Variants in NUDT14 observed in about 807,000 individuals in gnomAD.
NUDT14 encodes nudix hydrolase 14.
Under a neutral mutation model 17.5 loss-of-function variants are expected in NUDT14, and 22 were observed. That is an observed-to-expected ratio of 1.26 (90% CI 0.90 to 1.80). The LOEUF (loss-of-function observed/expected upper bound fraction) is 1.80, where lower values mean the gene tolerates loss of function less well. Ranked by LOEUF, NUDT14 falls within the 40% of genes most tolerant of loss-of-function variation. The pLI is 0.00. For synonymous variants in NUDT14, 129 were observed against 125.8 expected (o/e 1.03, Z -0.17); for missense variants, 296 against 295.6 (o/e 1.00, Z -0.01).
Position 105,177,017 on chromosome 14 carries a change from G to T in NUDT14, c.136C>A (p.Leu46Ile), listed in dbSNP as rs148004115. 694 of 1,611,682 alleles carry T rather than the reference G, an allele frequency of 4.3e-4. No individual in the cohort carries two copies. Among genetic ancestry groups the T allele is most frequent in the Non-Finnish European group, 5.7e-4 (670 of 1,179,754 alleles). Residue 46 changes from leucine (L) to isoleucine (I), a missense_variant, in exon 3 of 5, where the codon CTC becomes ATC. Leu to Ile is a conservative substitution (Grantham distance 5, BLOSUM62 2). Transcript: ENST00000392568. ...FMKTHDSVTVLLFNSSRRSLV... is the reference protein window; with the variant it reads ...FMKTHDSVTVILFNSSRRSLV... ...CTCCTCCGAGAAGAGTTGAATAAGA[G>T]AACGGTCACGCTGTGTACGGGGGGA...
chr14:105,178,343 G>A (rs1323237796), intron 1 of NUDT14, among the ~76,000 whole-genome samples: 2 of 152,046 alleles, frequency 1.3e-5, no homozygotes, highest in East Asian at 3.9e-4. Flanking sequence ...ACCAGGCTCG[G>A]CAGCCCCCCC....
chr14:105,178,223 G>A (rs1183589454), intron 1 of NUDT14, among the ~76,000 whole-genome samples: 2 of 151,984 alleles, frequency 1.3e-5, no homozygotes, highest in East Asian at 1.9e-4. Context: ...CACCAGGAGT[G>A]GATGGGGAAG....
Position 105,181,159 on chromosome 14 carries a change from G to T in NUDT14, c.51C>A (p.Tyr17Ter). Residue 17 changes from tyrosine to a stop codon, truncating the protein, a stop_gained, in exon 1 of 5, where the codon TAC becomes TAA. Coordinates refer to ENST00000392568, the MANE Select transcript of NUDT14 (RefSeq NM_177533.5). LOFTEE classifies it high-confidence loss of function. The surrounding 1 kb of genome is among the most constrained non-coding windows in gnomAD (Gnocchi z 5.0). Reference sequence around the variant, plus strand: ...GGTAATGCAGCGTGAGCGGCCGCAGGTAGGGTGAGGCGGCGCAGCGGCCCA... The same window carrying T: ...GGTAATGCAGCGTGAGCGGCCGCAGTTAGGGTGAGGCGGCGCAGCGGCCCA... ...ASVGRCAASP[Y>*]LRPLTLHYRQ... is the part of the protein sequence containing the mutation. The T allele has an allele frequency of 2.6e-6, 3 of 1,173,236 alleles. No individual in the cohort carries two copies. Among genetic ancestry groups the T allele is most frequent in the Non-Finnish European group, 2.1e-6 (2 of 942,946 alleles). 72.7% of individuals were successfully genotyped at this position (1,173,236 alleles called of 1,614,324 possible). A position where few individuals can be genotyped will look rare whatever the true frequency, so the allele number is the denominator to read the frequency against.
At position 105,176,619 on chromosome 14, in the gene NUDT14, G is replaced by T. The variant is rs778776773; in HGVS notation, c.343C>A (p.Leu115Met). 5.0e-6 allele frequency: 8 copies of T among 1,612,644 alleles called. No homozygotes were observed. The highest frequency in any genetic ancestry group is 6.8e-6 in the Non-Finnish European group (8 of 1,179,976). Residue 115 changes from leucine to methionine, a missense_variant, in exon 4 of 5, where the codon CTG (leucine) becomes ATG (methionine). Physicochemically the swap from Leu to Met is conservative, Grantham distance 15. Coordinates refer to ENST00000392568, the MANE Select transcript of NUDT14 (RefSeq NM_177533.5). Reference protein sequence around the residue: ...AGLVDQPGLSLEEVACKEAWE... With the variant: ...AGLVDQPGLSMEEVACKEAWE... ...GCCTCCTTGCAAGCCACTTCCTCCA[G>T]CGAGAGCCCAGGCTGGTCCACGAGG...
Position 105,175,985 on chromosome 14 carries a change from T to C in NUDT14, c.428+549A>G, listed in dbSNP as rs1450284065. The C allele has an allele frequency of 8.7e-6, 11 of 1,270,992 alleles. No homozygotes were observed. In the South Asian group the frequency reaches 1.0e-4, roughly 12 times the overall value. The allele number at this position is 1,270,992 out of a possible 1,614,324, so 78.7% of individuals were successfully genotyped here. On this transcript the variant is annotated intron_variant, in intron 4 of 4. Transcript: ENST00000392568. ...CTGGGGTCAGGAGCCCATCGTAGCG[T>C]CCCTGGGGAAGTGGATGGGCTTCAT...
intron 1 of NUDT14, among the ~76,000 whole-genome samples, chr14:105,180,097 C>T (rs1889294676): frequency 6.6e-6 from 1 of 152,186 alleles, no homozygotes; most frequent in Non-Finnish European, 1.5e-5. Flanking sequence ...AGGTGGGGCC[C>T]TAACTGGACA....
chr14:105,179,113 C>T (rs1403156727), intron 1 of NUDT14, among the ~76,000 whole-genome samples: 4 of 152,192 alleles, frequency 2.6e-5, no homozygotes, highest in African/African-American at 4.8e-5. Context: ...GTAACATCAC[C>T]CCATGCAGGT....
At position 105,176,666 on chromosome 14, in the gene NUDT14, AC is replaced by A. The variant is rs1294504099; in HGVS notation, c.295del (p.Val99Ter). 3 of 1,611,916 alleles carry A rather than the reference AC, an allele frequency of 1.9e-6. No homozygotes were observed. Among genetic ancestry groups the A allele is most frequent in the Non-Finnish European group, 2.5e-6 (3 of 1,179,844 alleles). ...GAGGCCGGCACACAGCTCAACTGTC[AC>A]CCCCGCTGAGCCGGGCAGGGCTGGC... ...LQPALPGSAG[V>X]TVELCAGLVD... is the part of the protein sequence containing the mutation. On this transcript the variant is annotated frameshift_variant, in exon 4 of 5. Transcript: ENST00000392568. LOFTEE classifies it high-confidence loss of function.
chr14:105,176,748 G>A lies in NUDT14; in HGVS notation c.214C>T (p.Arg72Cys), dbSNP rs776403747. ...GCTGCTAGGGACCCTGGGAAGCGGC[G>A]CTCCACCTCACCCGCATACACAGCT... The part of the protein sequence containing the change: ...RPAVYAGEVE[R>C]RFPGSLAAVD... The change falls in exon 4 of 5, where the codon CGC (arginine) becomes TGC (cysteine). Residue 72 changes from arginine (R) to cysteine (C), a missense_variant. Arg to Cys is a radical substitution (Grantham distance 180, BLOSUM62 -3). Coordinates refer to ENST00000392568, the MANE Select transcript of NUDT14 (RefSeq NM_177533.5). 35 of 1,612,322 alleles carry A rather than the reference G, an allele frequency of 2.2e-5. 3 individuals carry two copies. The South Asian group carries it at 2.9e-4, about 13-fold the overall frequency.
At chr14:105,175,342 C>T (rs1686771554) in intron 4 of NUDT14, 1 of 153,806 alleles carries the variant, frequency 6.5e-6, no homozygotes, top group Admixed American at 6.5e-5. Flanking sequence ...CAAGGCCCAT[C>T]CTTCACACCC....
At chr14:105,174,697 C>T (rs980978748) in intron 4 of NUDT14, among the ~76,000 whole-genome samples, 3 of 152,132 alleles carry the variant, frequency 2.0e-5, no homozygotes, top group Non-Finnish European at 2.9e-5. Context: ...CGGTTTCCGC[C>T]GGCTTGTGAA....
chr14:105,174,007 C>A (rs1192282453), intron 4 of NUDT14, among the ~76,000 whole-genome samples: 2 of 152,130 alleles, frequency 1.3e-5, no homozygotes, highest in Non-Finnish European at 2.9e-5. Flanking sequence ...CCCCACCAGG[C>A]ACCCACAGGA....
intron 4 of NUDT14, chr14:105,175,906 T>C: frequency 8.3e-7 from 1 of 1,200,066 alleles, no homozygotes; most frequent in Non-Finnish European, 1.1e-6. Context: ...AGGCTGGTGC[T>C]CAGCTGGTGG....
rs1470640738 is a variant in NUDT14, at chr14:105,176,757, C to CACCCGCATACACAGCTG, written c.191-3_204dup (p.Glu69GlnfsTer16). 2 of 1,612,374 alleles carry CACCCGCATACACAGCTG rather than the reference C, an allele frequency of 1.2e-6. No homozygotes were observed. Among genetic ancestry groups the CACCCGCATACACAGCTG allele is most frequent in the African/African-American group, 2.7e-5 (2 of 75,066 alleles). On this transcript the variant is annotated frameshift_variant, in exon 4 of 5. Coordinates refer to ENST00000392568, the MANE Select transcript of NUDT14 (RefSeq NM_177533.5). LOFTEE classifies it high-confidence loss of function. ...GACCCTGGGAAGCGGCGCTCCACCT[C>CACCCGCATACACAGCTG]ACCCGCATACACAGCTGCGTGGGAA... is the stretch of plus-strand genomic sequence containing the variant.
At position 105,173,076 on chromosome 14, in the gene NUDT14, A is replaced by G. The variant is rs1282507387; in HGVS notation, c.614T>C (p.Ile205Thr). The change falls in exon 5 of 5, where the codon ATC becomes ACC. Residue 205 changes from isoleucine to threonine, a missense_variant. Ile to Thr is a moderately conservative substitution (Grantham distance 89, BLOSUM62 -1). Transcript: ENST00000392568. This position sits in a 1 kb window ranked among gnomAD's most constrained non-coding sequence, Gnocchi z 4.7. ...GCTGAGGAACCATGAGACACCAAAG[A>G]TGACGCCGAGGGTCTTGGGGATGTC... ...DPDIPKTLGV[I>T]FGVSWFLSQV... 5.8e-6 allele frequency: 9 copies of G among 1,546,650 alleles called. No individual in the cohort carries two copies. In the East Asian group the frequency reaches 2.1e-4, roughly 36 times the overall value.
intron 1 of NUDT14, among the ~76,000 whole-genome samples, chr14:105,180,391 C>A (rs1381599582): frequency 6.6e-6 from 1 of 152,102 alleles, no homozygotes; most frequent in African/African-American, 2.4e-5. Flanking sequence ...TCGCTTGAGC[C>A]CAGGAGGTTG....
chr14:105,177,559 G>C (rs1316483137), intron 2 of NUDT14, 133 bp downstream of exon 2: 1 of 810,960 alleles, frequency 1.2e-6, no homozygotes, highest in Non-Finnish European at 2.0e-6. Context: ...GCCGGGCAGA[G>C]AGAAGGGACT....
At chr14:105,174,597 C>T (rs909743858) in intron 4 of NUDT14, among the ~76,000 whole-genome samples, 3 of 152,318 alleles carry the variant, frequency 2.0e-5, no homozygotes, top group African/African-American at 4.8e-5. Context: ...TAGCCCCTCA[C>T]CTCCCGCAGA....
chr14:105,176,377 G>A, intron 4 of NUDT14, 157 bp downstream of exon 4: 1 of 674,030 alleles, frequency 1.5e-6, no homozygotes. Flanking sequence ...TTCTGGCCTG[G>A]CTTAGGAGCT....
Sources: allele counts gnomAD v4.1 joint callset (sites outside exome capture counted in the v4.1 genomes callset), GRCh38; gene constraint gnomAD v4.1.1; non-coding constraint Gnocchi (gnomAD v3.1); transcripts MANE v1.5; gene names NCBI Gene and HGNC (gene_info 2026-07-23, HGNC 2026-07-21).